TYW1: variants seen among roughly 807,000 people sequenced by gnomAD.
TYW1 encodes the protein tRNA-yW synthesizing protein 1 homolog.
TYW1 carries 46 observed loss-of-function variants against 96.2 expected under a neutral mutation model. The observed-to-expected ratio is 0.48, with a 90% CI of 0.38 to 0.61. TYW1 has a LOEUF of 0.61. Among genes scored for constraint, TYW1 ranks in the 20% least tolerant of loss-of-function variants. The pLI, the probability that TYW1 is intolerant of heterozygous loss-of-function variation, is 0.00. For missense variants in TYW1, 684 were observed against 909.6 expected (o/e 0.75, Z 3.19); for synonymous variants, 274 against 323.0 (o/e 0.85, Z 1.63).
intron 15 of TYW1, among the ~76,000 whole-genome samples, chr7:67,235,963 A>G (rs949760652): frequency 2.7e-5 from 4 of 148,560 alleles, no homozygotes; most frequent in African/African-American, 1.0e-4. Context: ...GGGTGATGGC[A>G]TATGTTGTTA....
chr7:67,145,565 C>G, intron 13 of TYW1, among the ~76,000 whole-genome samples: 1 of 152,106 alleles, frequency 6.6e-6, no homozygotes, highest in Non-Finnish European at 1.5e-5. Context: ...GGTTGGTGCT[C>G]TCAGCTAGGA....
chr7:67,098,823 C>A (rs1332582824), intron 12 of TYW1, 105 bp downstream of exon 12: 1 of 1,258,678 alleles, frequency 7.9e-7, no homozygotes, highest in Non-Finnish European at 1.1e-6. Context: ...TGATTACTTA[C>A]TACATACAAA....
At chr7:67,124,930 G>A (rs1364563139) in intron 13 of TYW1, among the ~76,000 whole-genome samples, 1 of 152,048 alleles carries the variant, frequency 6.6e-6, no homozygotes, top group Non-Finnish European at 1.5e-5. Context: ...TGCCTCCTGG[G>A]TTCAAGCGAT....
At chr7:67,183,711 T>G (rs1799913328) in intron 14 of TYW1, among the ~76,000 whole-genome samples, 2 of 152,240 alleles carry the variant, frequency 1.3e-5, no homozygotes, top group South Asian at 4.1e-4. Context: ...TTTCTGCTCT[T>G]AGCCCAGATT....
intron 10 of TYW1, among the ~76,000 whole-genome samples, chr7:67,072,811 A>G (rs1167458876): frequency 6.6e-6 from 1 of 152,056 alleles, no homozygotes; most frequent in African/African-American, 2.4e-5. Flanking sequence ...CCTGTCACCT[A>G]GGCTGGAGTA....
At chr7:67,068,162 C>T (rs997640631) in intron 10 of TYW1, among the ~76,000 whole-genome samples, 1 of 152,024 alleles carries the variant, frequency 6.6e-6, no homozygotes, top group Non-Finnish European at 1.5e-5. Flanking sequence ...GCTGGGACTA[C>T]AGGTGCGCAC....
chr7:67,082,987 C>T (rs1200980913), intron 10 of TYW1, among the ~76,000 whole-genome samples: 1 of 149,312 alleles, frequency 6.7e-6, no homozygotes, highest in Non-Finnish European at 1.5e-5. Flanking sequence ...GGTTCTTGTC[C>T]TTTCCCCAGG....
At chr7:67,037,352 G>C (rs1301332722) in intron 7 of TYW1, among the ~76,000 whole-genome samples, 1 of 151,836 alleles carries the variant, frequency 6.6e-6, no homozygotes, top group Non-Finnish European at 1.5e-5. Flanking sequence ...ATAAAAAAAA[G>C]AATTAGCCAG....
intron 3 of TYW1, 49 bp from the exon 4 acceptor site, chr7:67,009,534 T>C (rs769093798): frequency 3.9e-6 from 6 of 1,552,298 alleles, no homozygotes; most frequent in Non-Finnish European, 4.4e-6. Context: ...ATGAGGGTTA[T>C]ATTTGGCTCA....
chr7:67,110,413 T>C (rs1797366104), intron 12 of TYW1, among the ~76,000 whole-genome samples: 1 of 152,110 alleles, frequency 6.6e-6, no homozygotes, highest in African/African-American at 2.4e-5. Context: ...AGGCATCCCC[T>C]AACAAAAACA....
chr7:67,229,714 GA>G (rs1253616762), intron 15 of TYW1, among the ~76,000 whole-genome samples: 1 of 152,258 alleles, frequency 6.6e-6, no homozygotes, highest in Non-Finnish European at 1.5e-5. Context: ...AGCATTTTAA[GA>G]GGCTGAAATG....
intron 10 of TYW1, among the ~76,000 whole-genome samples, chr7:67,081,966 G>T: frequency 1.4e-5 from 2 of 147,686 alleles, no homozygotes; most frequent in Non-Finnish European, 3.0e-5. Context: ...TTTTCTGTTT[G>T]GCTGTTTTTT....
intron 15 of TYW1, among the ~76,000 whole-genome samples, chr7:67,213,900 C>G (rs71563190): frequency 0.27 from 40,725 of 151,970 alleles, 5,825 homozygotes; most frequent in African/African-American, 0.36. Flanking sequence ...CAATACCATG[C>G]AGTCTTGATT....
chr7:67,041,300 T>C (rs1388006169), intron 7 of TYW1, among the ~76,000 whole-genome samples: 2 of 152,052 alleles, frequency 1.3e-5, no homozygotes, highest in Middle Eastern at 3.2e-3. Context: ...TTTCTGGCAT[T>C]TTGTTTTTTC....
At chr7:67,017,093 A>G (rs1253710733) in intron 5 of TYW1, among the ~76,000 whole-genome samples, 1 of 147,280 alleles carries the variant, frequency 6.8e-6, no homozygotes, top group Non-Finnish European at 1.5e-5. Context: ...AGGAATTCTC[A>G]TGACTCGACC....
At chr7:67,081,681 C>T (rs1291910169) in intron 10 of TYW1, among the ~76,000 whole-genome samples, 3 of 151,612 alleles carry the variant, frequency 2.0e-5, no homozygotes, top group Admixed American at 6.6e-5. Flanking sequence ...TCCTCCTCCT[C>T]TCTCCTCTAT....
chr7:67,222,866 C>CTTTTTTTTTTTTTTT (rs570972265), intron 15 of TYW1, among the ~76,000 whole-genome samples: 4 of 109,626 alleles, frequency 3.6e-5, no homozygotes, highest in East Asian at 2.5e-4. Context: ...CGCTTTTTTT[C>CTTTTTTTTTTTTTTT]TTTTTTTTTT....
intron 7 of TYW1, among the ~76,000 whole-genome samples, chr7:67,032,103 C>T (rs895204764): frequency 2.0e-5 from 3 of 151,736 alleles, no homozygotes; most frequent in South Asian, 2.1e-4. Context: ...TTAAAAGAGA[C>T]GATGAGAAAA....
chr7:67,086,340 G>A (rs559196499), intron 11 of TYW1, among the ~76,000 whole-genome samples: 40 of 152,286 alleles, frequency 2.6e-4, no homozygotes, highest in African/African-American at 9.6e-4. Context: ...AGTAAGCTAT[G>A]TGTCTTTTTA....
Sources: gnomAD v4.1 joint callset for allele counts (sites outside exome capture counted in the v4.1 genomes callset) on GRCh38, gnomAD v4.1.1 for gene constraint, MANE v1.5 for transcripts, NCBI Gene and HGNC (gene_info 2026-07-23, HGNC 2026-07-21) for gene names.